Variants in RPS6KA3 observed in about 807,000 individuals in gnomAD.
The protein encoded by RPS6KA3 is ribosomal protein S6 kinase A3.
A neutral mutation model predicts 67.2 loss-of-function variants in RPS6KA3; 4 were observed. That is an observed-to-expected ratio of 0.06 (90% CI 0.03 to 0.14). The LOEUF (loss-of-function observed/expected upper bound fraction) is 0.14, where lower values mean the gene tolerates loss of function less well. Among genes scored for constraint, RPS6KA3 ranks in the 10% least tolerant of loss-of-function variants. The probability of loss-of-function intolerance (pLI) is 1.00; values close to 1 mark genes in which losing one functional copy is unlikely to be tolerated. For missense variants in RPS6KA3, 204 were observed against 559.0 expected, an observed-to-expected ratio of 0.36 and a Z score of 6.40; for synonymous variants, 182 against 183.7, an observed-to-expected ratio of 0.99 and a Z score of 0.07.
intron 2 of RPS6KA3, among the ~76,000 whole-genome samples, chrX:20,212,402 GC>G (rs1293576124): frequency 9.0e-6 from 1 of 110,928 alleles, no homozygotes; most frequent in Non-Finnish European, 1.9e-5. Context: ...GGAGGTTGAG[GC>G]AGGAGAATCA....
intron 20 of RPS6KA3, 133 bp from the exon 21 acceptor site, chrX:20,156,382 G>T: frequency 1.5e-6 from 1 of 662,165 alleles, no homozygotes; most frequent in Non-Finnish European, 2.4e-6. Flanking sequence ...TGGTCAACAT[G>T]GTAATTTGGG....
chrX:20,234,922 A>G, intron 1 of RPS6KA3, 108 bp from the exon 2 acceptor site: 1 of 575,170 alleles, frequency 1.7e-6, no homozygotes, highest in East Asian at 3.4e-5. Context: ...TTTCACCCCT[A>G]AAGGGCTCTA....
chrX:20,261,946 T>A (rs1053183444), intron 1 of RPS6KA3, among the ~76,000 whole-genome samples: 2 of 112,162 alleles, frequency 1.8e-5, no homozygotes, highest in African/African-American at 6.5e-5. Flanking sequence ...TTTCTATTTA[T>A]GTGAATTGGG....
chrX:20,244,311 G>A (rs1226138898), intron 1 of RPS6KA3, among the ~76,000 whole-genome samples: 2 of 111,789 alleles, frequency 1.8e-5, no homozygotes, highest in East Asian at 5.6e-4. Flanking sequence ...TTACAGGCCA[G>A]TTTAAAATTC....
chrX:20,200,376 T>G (rs192104693), intron 4 of RPS6KA3, among the ~76,000 whole-genome samples: 3 of 111,952 alleles, frequency 2.7e-5, no homozygotes, highest in African/African-American at 6.5e-5. Flanking sequence ...GTTCAAGAAT[T>G]AGGATAGGCA....
chrX:20,193,465 A>C, intron 7 of RPS6KA3, 22 bp downstream of exon 7: 1 of 895,359 alleles, frequency 1.1e-6, no homozygotes, highest in Non-Finnish European at 1.6e-6. Context: ...ATTGTATTCA[A>C]CTTAGTAGCA....
chrX:20,162,413 C>T (rs375695579), intron 19 of RPS6KA3, among the ~76,000 whole-genome samples: 15 of 108,366 alleles, frequency 1.4e-4, no homozygotes, highest in Admixed American at 1.1e-3. Flanking sequence ...TTTAGGACCT[C>T]GAGACATTAA....
At chrX:20,215,901 T>C (rs745747766) in intron 2 of RPS6KA3, among the ~76,000 whole-genome samples, 65 of 112,629 alleles carry the variant, frequency 5.8e-4, no homozygotes, top group Middle Eastern at 4.6e-3. Flanking sequence ...CATGAAAACA[T>C]AAAATTATAG....
intron 1 of RPS6KA3, 92 bp from the exon 2 acceptor site, chrX:20,234,906 G>C: frequency 1.5e-6 from 1 of 676,968 alleles, no homozygotes; most frequent in Non-Finnish European, 2.4e-6. Flanking sequence ...AAAAATTGAG[G>C]AAGATTTTCA....
chrX:20,210,074 A>G (rs770819720), intron 2 of RPS6KA3, among the ~76,000 whole-genome samples: 2 of 112,310 alleles, frequency 1.8e-5, no homozygotes, highest in Admixed American at 9.4e-5. Context: ...AAAAATGACT[A>G]TTCAGCATGA....
At chrX:20,257,388 C>T (rs1185915296) in intron 1 of RPS6KA3, among the ~76,000 whole-genome samples, 1 of 111,958 alleles carries the variant, frequency 8.9e-6, no homozygotes, top group East Asian at 2.8e-4. Flanking sequence ...GTGGCTCTTT[C>T]AGAATTTGTA....
At chrX:20,243,579 G>A (rs771120964) in intron 1 of RPS6KA3, among the ~76,000 whole-genome samples, 91 of 111,161 alleles carry the variant, frequency 8.2e-4, no homozygotes, top group African/African-American at 2.7e-3. Flanking sequence ...TCTGCCTCCC[G>A]GGTTCAAGGG....
At chrX:20,258,125 C>G (rs1461750601) in intron 1 of RPS6KA3, among the ~76,000 whole-genome samples, 2 of 111,810 alleles carry the variant, frequency 1.8e-5, no homozygotes, top group Non-Finnish European at 3.8e-5. Flanking sequence ...TCAATTTGTA[C>G]TAATCCTGTA....
At chrX:20,155,723 A>G (rs751492051) in intron 21 of RPS6KA3, among the ~76,000 whole-genome samples, 1 of 112,083 alleles carries the variant, frequency 8.9e-6, no homozygotes, top group African/African-American at 3.2e-5. Context: ...ATGAGAGAGA[A>G]CAAAGATAGG....
chrX:20,238,471 T>C (rs960286332), intron 1 of RPS6KA3, among the ~76,000 whole-genome samples: 1 of 111,003 alleles, frequency 9.0e-6, no homozygotes, highest in African/African-American at 3.3e-5. Context: ...TCTCATCCAT[T>C]GCTACAGTCT....
At chrX:20,248,531 G>C (rs928557277) in intron 1 of RPS6KA3, among the ~76,000 whole-genome samples, 3 of 111,049 alleles carry the variant, frequency 2.7e-5, no homozygotes, top group African/African-American at 9.8e-5. Flanking sequence ...CCAGGCTGGA[G>C]TGCAGTGGCG....
At chrX:20,158,899 A>C (rs778037501) in intron 20 of RPS6KA3, among the ~76,000 whole-genome samples, 14 of 111,724 alleles carry the variant, frequency 1.3e-4, no homozygotes, top group African/African-American at 4.6e-4. Context: ...ACAACTCTTA[A>C]GTGTCACCCC....
chrX:20,228,006 G>C (rs1038722638), intron 2 of RPS6KA3, among the ~76,000 whole-genome samples: 25 of 110,630 alleles, frequency 2.3e-4, no homozygotes, highest in African/African-American at 5.9e-4. Context: ...CTCAATTTTA[G>C]TTTGTAAATG....
At chrX:20,191,369 C>T (rs1348877169) in intron 7 of RPS6KA3, among the ~76,000 whole-genome samples, 8 of 111,571 alleles carry the variant, frequency 7.2e-5, no homozygotes, top group East Asian at 2.8e-4. Flanking sequence ...GATTTATAAT[C>T]GTTTGGGTAT....
Sources: gnomAD v4.1 joint callset for allele counts (sites outside exome capture counted in the v4.1 genomes callset) on GRCh38, gnomAD v4.1.1 for gene constraint, MANE v1.5 for transcripts, NCBI Gene and HGNC (gene_info 2026-07-23, HGNC 2026-07-21) for gene names.